The following FHIT variants were observed in gnomAD, a reference collection of about 807,000 sequenced individuals.
FHIT encodes bis(5'-adenosyl)-triphosphatase.
A neutral mutation model predicts 17.9 loss-of-function variants in FHIT; 19 were observed. The observed-to-expected ratio is 1.06, with a 90% confidence interval of 0.74 to 1.56. The LOEUF (loss-of-function observed/expected upper bound fraction) is 1.56. Ranked by LOEUF, FHIT falls within the 40% of genes most tolerant of loss-of-function variation. FHIT has a pLI of 0.00. For synonymous variants in FHIT, 81 were observed against 69.7 expected (o/e 1.16, Z -0.81); for missense variants, 248 against 189.2 (o/e 1.31, Z -1.82).
At chr3:60,349,900 T>G (rs1437905676) in intron 5 of FHIT, among the ~76,000 whole-genome samples, 2 of 152,200 alleles carry the variant, frequency 1.3e-5, no homozygotes, top group Non-Finnish European at 2.9e-5. Context: ...AAAACCTAGT[T>G]ATGTTGACAT....
chr3:60,364,700 T>C (rs1700039901), intron 5 of FHIT, among the ~76,000 whole-genome samples: 1 of 152,178 alleles, frequency 6.6e-6, no homozygotes. Context: ...TCTGTGTGTA[T>C]CAGTGAGGGT....
chr3:59,897,360 T>C (rs914498263), intron 8 of FHIT, among the ~76,000 whole-genome samples: 2 of 152,188 alleles, frequency 1.3e-5, no homozygotes, highest in African/African-American at 4.8e-5. Context: ...CCAATTCAAA[T>C]GTCTCTTCCT....
At chr3:60,130,676 CA>C (rs1344613505) in intron 5 of FHIT, among the ~76,000 whole-genome samples, 1 of 151,230 alleles carries the variant, frequency 6.6e-6, no homozygotes, top group East Asian at 1.9e-4. Flanking sequence ...ATTTCCTTTC[CA>C]AAAATTACTT....
rs1553682734 is a variant in FHIT at position 60,632,682 on chromosome 3, G to A, written c.-17-95703C>T. ...TTGACCCTAATTCCAAAAATCATGG[G>A]AAGGACATACTTCTTAGTATCTTTA... On this transcript the variant is annotated intron_variant, in intron 4 of 9. Coordinates refer to ENST00000492590, the MANE Select transcript of FHIT (RefSeq NM_002012.4). Among the ~76,000 whole-genome samples the A allele has an allele frequency of 2.0e-5, 3 of 152,194 alleles. 1 individual carries two copies. The highest frequency in any genetic ancestry group is 7.2e-5 in the African/African-American group (3 of 41,518).
At chr3:60,600,635 A>G (rs1463535988) in intron 4 of FHIT, among the ~76,000 whole-genome samples, 1 of 152,120 alleles carries the variant, frequency 6.6e-6, no homozygotes, top group Non-Finnish European at 1.5e-5. Context: ...ACACACCCAG[A>G]AGCGGTACTA....
In FHIT at chr3:60,014,074, G is replaced by T. The variant is rs148747004; in HGVS notation, c.182C>A (p.Thr61Lys). 6.2e-7 allele frequency: 1 copy of T among 1,613,912 alleles called. No homozygotes were observed. The highest frequency in any genetic ancestry group is 8.5e-7 in the Non-Finnish European group (1 of 1,179,964). The change falls in exon 6 of 10, where the codon ACG (threonine) becomes AAG (lysine). Residue 61 changes from threonine to lysine, a missense_variant. Thr to Lys is a moderately conservative substitution (Grantham distance 78, BLOSUM62 -1). Transcript: ENST00000492590. ...RPDEVADLFQ[T>K]TQRVGTVVEK... ...CACCACTGTCCCGACTCTCTGGGTCGTCTGAAACAAATCGGCCACTTCATC... is the reference window on the plus strand; with the variant it reads ...CACCACTGTCCCGACTCTCTGGGTCTTCTGAAACAAATCGGCCACTTCATC...
At chr3:60,920,260 G>A (rs1409043963) in intron 3 of FHIT, among the ~76,000 whole-genome samples, 1 of 152,120 alleles carries the variant, frequency 6.6e-6, no homozygotes, top group Non-Finnish European at 1.5e-5. Flanking sequence ...AAATGGGGGA[G>A]GGTCATGTGA....
intron 2 of FHIT, among the ~76,000 whole-genome samples, chr3:61,156,142 C>T (rs2037527755): frequency 6.6e-6 from 1 of 152,204 alleles, no homozygotes; most frequent in African/African-American, 2.4e-5. Flanking sequence ...AACCTTGCAT[C>T]AAGTTTCCTC....
At chr3:60,861,367 T>C (rs1018661919) in intron 3 of FHIT, among the ~76,000 whole-genome samples, 5 of 147,430 alleles carry the variant, frequency 3.4e-5, no homozygotes, top group South Asian at 2.1e-4. Flanking sequence ...TGGGCACTAC[T>C]GATATTTTGG....
intron 8 of FHIT, among the ~76,000 whole-genome samples, chr3:59,888,371 T>A (rs17365142): frequency 0.045 from 6,783 of 152,310 alleles, 167 homozygotes; most frequent in South Asian, 0.079. Flanking sequence ...TTGCATGTGA[T>A]ACTGAAACTA....
intron 5 of FHIT, among the ~76,000 whole-genome samples, chr3:60,017,157 AG>A (rs1181499152): frequency 2.6e-5 from 4 of 152,112 alleles, no homozygotes; most frequent in Non-Finnish European, 1.5e-5. Context: ...TGCATTCCCT[AG>A]TCACTCTGTT....
intron 8 of FHIT, among the ~76,000 whole-genome samples, chr3:59,759,893 C>T (rs976384746): frequency 1.3e-5 from 2 of 152,172 alleles, no homozygotes; most frequent in Admixed American, 6.5e-5. Flanking sequence ...TACCTTAGAA[C>T]GCTGAAGTTC....
At chr3:59,855,072 T>C (rs1439133817) in intron 8 of FHIT, among the ~76,000 whole-genome samples, 1 of 152,218 alleles carries the variant, frequency 6.6e-6, no homozygotes, top group Non-Finnish European at 1.5e-5. Context: ...TTGCACTCAG[T>C]ACTTGGATCT....
At chr3:60,972,701 A>C (rs1306275457) in intron 3 of FHIT, among the ~76,000 whole-genome samples, 1 of 152,058 alleles carries the variant, frequency 6.6e-6, no homozygotes, top group African/African-American at 2.4e-5. Flanking sequence ...ATTGCCTGAC[A>C]CAGACCTTTA....
chr3:60,123,962 CTAAAAATATATATA>C (rs2107231114), intron 5 of FHIT, among the ~76,000 whole-genome samples: 26 of 63,238 alleles, frequency 4.1e-4, no homozygotes, highest in African/African-American at 1.9e-3. Context: ...CAGAAATGCA[CTAAAAATATATATA>C]TATATATATA....
intron 4 of FHIT, among the ~76,000 whole-genome samples, chr3:60,725,552 T>A (rs1214035197): frequency 6.6e-6 from 1 of 152,206 alleles, no homozygotes; most frequent in Non-Finnish European, 1.5e-5. Flanking sequence ...CAAGACATAG[T>A]TTCAGGTAAT....
chr3:59,975,443 AG>A (rs572326886), intron 7 of FHIT, among the ~76,000 whole-genome samples: 24 of 152,276 alleles, frequency 1.6e-4, no homozygotes, highest in Admixed American at 2.6e-4. Flanking sequence ...TGCTTTGCAT[AG>A]TTCCTGGCCA....
chr3:60,750,662 C>A (rs181982355), intron 4 of FHIT, among the ~76,000 whole-genome samples: 117 of 152,250 alleles, frequency 7.7e-4, no homozygotes, highest in South Asian at 2.5e-3. Context: ...GTCCAATAAA[C>A]CTCTTTCTTT....
intron 5 of FHIT, among the ~76,000 whole-genome samples, chr3:60,382,649 C>G (rs9836899): frequency 0.27 from 40,390 of 152,018 alleles, 5,518 homozygotes; most frequent in East Asian, 0.48. Flanking sequence ...ATTCTTGAGT[C>G]CATATTATTC....
Sources: allele counts gnomAD v4.1 joint callset (sites outside exome capture counted in the v4.1 genomes callset), GRCh38; gene constraint gnomAD v4.1.1; transcripts MANE v1.5; gene names NCBI Gene and HGNC (gene_info 2026-07-23, HGNC 2026-07-21).